The following SHROOM3 variants were observed in gnomAD, a reference collection of about 807,000 sequenced individuals.
The protein encoded by SHROOM3 is shroom family member 3.
In SHROOM3, 47 loss-of-function variants were observed where a neutral mutation model predicts 138.6. The ratio of observed to expected loss-of-function variants is 0.34; its 90% CI spans 0.27 to 0.43. The LOEUF (loss-of-function observed/expected upper bound fraction) is 0.43, where lower values mean the gene tolerates loss of function less well. Among genes scored for constraint, SHROOM3 ranks in the 20% least tolerant of loss-of-function variants. The pLI, the probability that SHROOM3 is intolerant of heterozygous loss-of-function variation, is 1.00. For missense variants in SHROOM3, 2,491 were observed against 2,596.5 expected, an observed-to-expected ratio of 0.96 and a Z score of 0.88; for synonymous variants, 1,062 against 1,063.3, an observed-to-expected ratio of 1.00 and a Z score of 0.02.
Position 76,627,154 on chromosome 4 carries a change from T to A in SHROOM3, c.323+71391T>A, listed in dbSNP as rs772567351. Among the ~76,000 whole-genome samples, 71 of 152,188 alleles carry A rather than the reference T, an allele frequency of 4.7e-4. 1 individual carries two copies. The highest frequency in any genetic ancestry group is 9.2e-4 in the Admixed American group (14 of 15,284). On this transcript the variant is annotated intron_variant, in intron 2 of 10. Transcript: ENST00000296043. The stretch of plus-strand genomic sequence containing the variant: ...GTTAGGATCACAGCACTTTGGGGGA[T>A]GCGAGTAGGGGCTTTTTCTCTGAAT...
At position 76,766,347 on chromosome 4, in the gene SHROOM3, T is replaced by C. The variant is rs546583213; in HGVS notation, c.5350-4279T>C. Among the ~76,000 whole-genome samples the C allele has an allele frequency of 3.3e-5, 5 of 152,362 alleles. No individual in the cohort carries two copies. The East Asian group carries it at 7.7e-4, about 23-fold the overall frequency. ...GTGACTTGCCTGATGCCGAATGTTATGTCAGAGCCTCCTGCCTCCTTGTCC... is the reference window on the plus strand; with the variant it reads ...GTGACTTGCCTGATGCCGAATGTTACGTCAGAGCCTCCTGCCTCCTTGTCC... On this transcript the variant is annotated intron_variant, in intron 9 of 10. Transcript: ENST00000296043.
intron 1 of SHROOM3, among the ~76,000 whole-genome samples, chr4:76,517,604 TTTTG>T (rs1732469054): frequency 7.4e-6 from 1 of 134,992 alleles, no homozygotes; most frequent in African/African-American, 2.7e-5. Context: ...TGCTTAGGGT[TTTTG>T]TTTGTTTGTT....
At chr4:76,686,084 T>C (rs1196932113) in intron 2 of SHROOM3, among the ~76,000 whole-genome samples, 1 of 152,194 alleles carries the variant, frequency 6.6e-6, no homozygotes, top group South Asian at 2.1e-4. Context: ...CCTAGCTCAC[T>C]GCAGCTTCAA....
At chr4:76,477,530 A>AT (rs199900353) in intron 1 of SHROOM3, among the ~76,000 whole-genome samples, 1,874 of 152,178 alleles carry the variant, frequency 0.012, 44 homozygotes, top group African/African-American at 0.043. Context: ...TATTCTCATG[A>AT]TTTTTTATCA....
intron 2 of SHROOM3, among the ~76,000 whole-genome samples, chr4:76,583,789 G>A (rs1391369198): frequency 6.6e-6 from 1 of 152,098 alleles, no homozygotes; most frequent in African/African-American, 2.4e-5. Flanking sequence ...GGTAACTACC[G>A]ACACATAGTA....
chr4:76,612,660 T>C (rs1389585822), intron 2 of SHROOM3, among the ~76,000 whole-genome samples: 2 of 152,190 alleles, frequency 1.3e-5, no homozygotes, highest in African/African-American at 2.4e-5. Context: ...AAAAGTAGGC[T>C]GGGCATGGTG....
chr4:76,715,248 T>C (rs1252303230), intron 3 of SHROOM3, among the ~76,000 whole-genome samples: 1 of 152,156 alleles, frequency 6.6e-6, no homozygotes, highest in Non-Finnish European at 1.5e-5. Context: ...CTCACTTATC[T>C]ATAAGAAAAA....
intron 2 of SHROOM3, among the ~76,000 whole-genome samples, chr4:76,659,409 C>T (rs1296459266): frequency 6.6e-6 from 1 of 152,204 alleles, no homozygotes; most frequent in African/African-American, 2.4e-5. Flanking sequence ...AAGTACAGCC[C>T]ATAGTTTAAA....
chr4:76,487,772 A>G (rs922194087), intron 1 of SHROOM3, among the ~76,000 whole-genome samples: 2 of 152,202 alleles, frequency 1.3e-5, no homozygotes, highest in African/African-American at 4.8e-5. Context: ...GGAACTATAG[A>G]CTAGAAACAG....
Position 76,739,351 on chromosome 4 carries a change from C to A in SHROOM3, c.1178C>A (p.Ala393Glu). The change falls in exon 5 of 11, where the codon GCA becomes GAA. Residue 393 changes from alanine (A) to glutamate (E), a missense_variant. Transcript: ENST00000296043. ...PLPPARSDSY[A>E]AFRHRERPSS... ...CCTCCAGCTCGGAGTGACAGTTACGCAGCATTTCGGCACCGTGAGCGGCCC... is the reference window on the plus strand; with the variant it reads ...CCTCCAGCTCGGAGTGACAGTTACGAAGCATTTCGGCACCGTGAGCGGCCC... 13 of 1,614,100 alleles carry A rather than the reference C, an allele frequency of 8.1e-6. No homozygotes were observed. Among genetic ancestry groups the A allele is most frequent in the Non-Finnish European group, 1.0e-5 (12 of 1,180,022 alleles).
At chr4:76,518,491 C>T (rs1732491830) in intron 1 of SHROOM3, among the ~76,000 whole-genome samples, 1 of 131,534 alleles carries the variant, frequency 7.6e-6, no homozygotes, top group South Asian at 2.8e-4. Context: ...TGTCTGCCTG[C>T]CTGCCTTCCT....
At chr4:76,693,235 T>TA (rs1719608101) in intron 2 of SHROOM3, among the ~76,000 whole-genome samples, 1 of 152,196 alleles carries the variant, frequency 6.6e-6, no homozygotes, top group African/African-American at 2.4e-5. Flanking sequence ...GTGATAAATA[T>TA]AATATGTGAT....
chr4:76,702,416 A>G (rs1719928010), intron 2 of SHROOM3, among the ~76,000 whole-genome samples: 1 of 152,258 alleles, frequency 6.6e-6, no homozygotes, highest in Non-Finnish European at 1.5e-5. Flanking sequence ...AAATTTAATA[A>G]TTATTGCCAG....
At chr4:76,684,732 A>G (rs1412200161) in intron 2 of SHROOM3, among the ~76,000 whole-genome samples, 2 of 152,200 alleles carry the variant, frequency 1.3e-5, no homozygotes, top group South Asian at 2.1e-4. Context: ...GCCAGTATCA[A>G]CTCAGAGGAT....
intron 1 of SHROOM3, among the ~76,000 whole-genome samples, chr4:76,442,108 G>A (rs1730704241): frequency 6.6e-6 from 1 of 152,186 alleles, no homozygotes; most frequent in African/African-American, 2.4e-5. Flanking sequence ...AATTGTACTC[G>A]TTAAGGCCAG....
chr4:76,456,616 C>T (rs957767457), intron 1 of SHROOM3, among the ~76,000 whole-genome samples: 1 of 152,080 alleles, frequency 6.6e-6, no homozygotes, highest in Admixed American at 6.6e-5. Flanking sequence ...GCAAAAACTT[C>T]GAAAAATCTA....
At chr4:76,449,420 T>C (rs924876783) in intron 1 of SHROOM3, among the ~76,000 whole-genome samples, 1 of 152,178 alleles carries the variant, frequency 6.6e-6, no homozygotes, top group South Asian at 2.1e-4. Context: ...AAGCAGGCAA[T>C]AGAATATGAC....
intron 2 of SHROOM3, among the ~76,000 whole-genome samples, chr4:76,685,458 G>C (rs1719308949): frequency 6.6e-6 from 1 of 152,118 alleles, no homozygotes; most frequent in Admixed American, 6.5e-5. Flanking sequence ...AGCTATCCTG[G>C]GCCACATGCG....
At chr4:76,661,960 G>A (rs1718506071) in intron 2 of SHROOM3, among the ~76,000 whole-genome samples, 1 of 152,198 alleles carries the variant, frequency 6.6e-6, no homozygotes, top group African/African-American at 2.4e-5. Flanking sequence ...TTTCCAAAGT[G>A]TGGTACCATT....
Sources: gnomAD v4.1 joint callset for allele counts (sites outside exome capture counted in the v4.1 genomes callset) on GRCh38, gnomAD v4.1.1 for gene constraint, MANE v1.5 for transcripts, NCBI Gene and HGNC (gene_info 2026-07-23, HGNC 2026-07-21) for gene names.